DDX27: variants seen among roughly 807,000 people sequenced by gnomAD.
The protein encoded by DDX27 is DEAD-box helicase 27.
A neutral mutation model predicts 99.3 loss-of-function variants in DDX27; 42 were observed. The observed-to-expected ratio is 0.42, with a 90% CI of 0.33 to 0.55. The LOEUF is 0.55. Among genes scored for constraint, DDX27 ranks in the 20% least tolerant of loss-of-function variants. The probability of loss-of-function intolerance (pLI) is 0.07; values close to 1 mark genes in which losing one functional copy is unlikely to be tolerated. For synonymous variants in DDX27, 329 were observed against 353.8 expected (o/e 0.93, Z 0.79); for missense variants, 798 against 976.8 (o/e 0.82, Z 2.44).
At chr20:49,229,368 T>C (rs1326034962) in intron 8 of DDX27, among the ~76,000 whole-genome samples, 2 of 152,162 alleles carry the variant, frequency 1.3e-5, no homozygotes, top group Non-Finnish European at 1.5e-5. Context: ...TGGGATTTGA[T>C]TGAGACTTAA....
At chr20:49,242,040 T>TGGCCTGGTG (rs765717730) in intron 17 of DDX27, 43 bp from the exon 18 acceptor site, 266 of 1,613,636 alleles carry the variant, frequency 1.6e-4, no homozygotes, top group Non-Finnish European at 2.2e-4. Context: ...TGGGTCAGAG[T>TGGCCTGGTG]GGCCTGGTGT....
At chr20:49,224,790 A>T (rs1979816899) in intron 4 of DDX27, 155 bp from the exon 5 acceptor site, 1 of 745,558 alleles carries the variant, frequency 1.3e-6, no homozygotes, top group African/African-American at 1.8e-5. Context: ...TTACTTCACC[A>T]TGCTGCCACA....
chr20:49,222,360 A>G (rs2146705079), intron 2 of DDX27, among the ~76,000 whole-genome samples: 1 of 151,694 alleles, frequency 6.6e-6, no homozygotes. Context: ...CCCAGGCCGG[A>G]GTGCAATGGT....
chr20:49,227,901 C>T (rs141721362), intron 7 of DDX27, among the ~76,000 whole-genome samples: 2,288 of 145,410 alleles, frequency 0.016, 57 homozygotes, highest in South Asian at 0.071. Context: ...AGTGCAGTGG[C>T]GCAATCTTGG....
chr20:49,234,033 A>G (rs1227278615), intron 11 of DDX27: 2 of 285,542 alleles, frequency 7.0e-6, no homozygotes, highest in African/African-American at 2.1e-5. Flanking sequence ...CCCTGCTTCC[A>G]CTCGGCCTTT....
chr20:49,229,665 T>C (rs1433470776), intron 8 of DDX27, among the ~76,000 whole-genome samples: 1 of 151,338 alleles, frequency 6.6e-6, no homozygotes, highest in African/African-American at 2.4e-5. Context: ...TTTTTTTTTT[T>C]TGAGAGGAAG....
At position 49,236,668 on chromosome 20, in the gene DDX27, C is replaced by T. The variant is rs116206697; in HGVS notation, c.1687+158C>T. Reference sequence around the variant, plus strand: ...TGACCATGTGCAGGTTTCACCTCACCTCTCTGAGCTTGCCTCCTGTGTGTA... The same window carrying T: ...TGACCATGTGCAGGTTTCACCTCACTTCTCTGAGCTTGCCTCCTGTGTGTA... On this transcript the variant is annotated intron_variant, in intron 14 of 20. Transcript: ENST00000618172. This position sits in a 1 kb window ranked among gnomAD's most constrained non-coding sequence, Gnocchi z 4.1. Among the ~76,000 whole-genome samples, 1,240 of 152,186 alleles carry T rather than the reference C, an allele frequency of 8.1e-3. 17 individuals carry two copies. The highest frequency in any genetic ancestry group is 0.028 in the African/African-American group (1,163 of 41,522).
chr20:49,224,976 G>C lies in DDX27; in HGVS notation c.498G>C (p.Lys166Asn), dbSNP rs1316940677. The C allele has an allele frequency of 1.2e-6, 2 of 1,614,196 alleles. No homozygotes were observed. Among genetic ancestry groups the C allele is most frequent in the Non-Finnish European group, 1.7e-6 (2 of 1,180,038 alleles). Residue 166 changes from lysine to asparagine, a missense_variant, in exon 5 of 21, where the codon AAG becomes AAC. Lys to Asn is a moderately conservative substitution (Grantham distance 94, BLOSUM62 0). Around this residue, in one of 2 missense-constraint regions of DDX27, gnomAD observed 245 missense variants for 248.8 expected, o/e 0.98. Coordinates refer to ENST00000618172, the MANE Select transcript of DDX27 (RefSeq NM_017895.8). ...DTLKVKDRKK[K>N]KKKGQEAGGF... ...TCAAAGTAAAGGATCGGAAGAAGAAGAAGAAGAAAGGACAGGTGAGCTTGG... is the reference window on the plus strand; with the variant it reads ...TCAAAGTAAAGGATCGGAAGAAGAACAAGAAGAAAGGACAGGTGAGCTTGG...
At chr20:49,231,243 T>G (rs1249879477) in intron 9 of DDX27, 1 of 152,306 alleles carries the variant, frequency 6.6e-6, no homozygotes, top group Non-Finnish European at 1.5e-5. Flanking sequence ...CAAGTCCCCC[T>G]CTCTCCCTAG....
At position 49,223,468 on chromosome 20, in the gene DDX27, C is replaced by G. The variant is rs762214254; in HGVS notation, c.466+35C>G. 1.2e-5 allele frequency: 19 copies of G among 1,575,262 alleles called. 1 individual carries two copies. In the South Asian group the frequency reaches 2.2e-4, roughly 19 times the overall value. The stretch of plus-strand genomic sequence containing the variant: ...ACGGCGGAGGTGTCAGTAATGGGGA[C>G]AGGAGATCAGAAGGCATCCTCCTTT... On this transcript the variant is annotated intron_variant, in intron 4 of 20. Transcript: ENST00000618172.
chr20:49,242,933 G>A (rs551601866), intron 19 of DDX27, among the ~76,000 whole-genome samples: 21 of 152,146 alleles, frequency 1.4e-4, no homozygotes, highest in Non-Finnish European at 2.4e-4. Context: ...TGTTTGCCAG[G>A]ATGGTCTCGA....
At position 49,225,146 on chromosome 20, in the gene DDX27, T is replaced by C. The variant is rs374353822; in HGVS notation, c.547T>C (p.Tyr183His). The C allele has an allele frequency of 1.1e-5, 18 of 1,614,140 alleles. No homozygotes were observed. The Admixed American group carries it at 2.8e-4, about 25-fold the overall frequency. ...AGGFFEDASQ[Y>H]DENLSFQDMN... ...AGGATTTTTTGAAGATGCATCTCAG[T>C]ACGATGAAAACCTCTCGTTCCAGGA... Residue 183 changes from tyrosine (Y) to histidine (H), a missense_variant, in exon 6 of 21, where the codon TAC becomes CAC. Physicochemically the swap from Tyr to His is moderately conservative, Grantham distance 83. Transcript: ENST00000618172.
intron 2 of DDX27, 24 bp downstream of exon 2, chr20:49,221,622 C>T: frequency 6.4e-7 from 1 of 1,561,348 alleles, no homozygotes. Flanking sequence ...TGATGGACAG[C>T]TCCAGACTTT....
chr20:49,242,336 T>A, intron 18 of DDX27, 130 bp downstream of exon 18: 1 of 1,422,270 alleles, frequency 7.0e-7, no homozygotes. Flanking sequence ...TGTACCAATG[T>A]GTACAGCTAT....
chr20:49,243,840 G>C lies in DDX27; in HGVS notation c.*6G>C. ...GATACAAGAGGAGGAAGTAGCTGTC[G>C]TGGCCTGAAGAAATTCATGGGGGCA... On this transcript the variant is annotated 3_prime_UTR_variant, in exon 21 of 21. Transcript: ENST00000618172. 1 of 1,614,032 alleles carries C rather than the reference G, an allele frequency of 6.2e-7. No homozygotes were observed. Among genetic ancestry groups the C allele is most frequent in the Non-Finnish European group, 8.5e-7 (1 of 1,180,002 alleles).
chr20:49,223,583 T>C, intron 4 of DDX27, 150 bp downstream of exon 4: 2 of 706,808 alleles, frequency 2.8e-6, no homozygotes, highest in South Asian at 5.7e-5. Context: ...TTTTTTTTTT[T>C]TTTTTAAGAG....
chr20:49,237,059 C>G (rs1027231342), intron 14 of DDX27, among the ~76,000 whole-genome samples: 1 of 152,098 alleles, frequency 6.6e-6, no homozygotes, highest in Non-Finnish European at 1.5e-5. Flanking sequence ...TTAGCCTGAG[C>G]ATGGTAGCTC....
At chr20:49,224,614 C>T (rs1600964500) in intron 4 of DDX27, among the ~76,000 whole-genome samples, 5 of 152,126 alleles carry the variant, frequency 3.3e-5, no homozygotes, top group Admixed American at 6.6e-5. Context: ...CCACCTGCCT[C>T]GGCCTCCTAA....
Position 49,236,184 on chromosome 20 carries a change from G to C in DDX27, c.1462G>C (p.Ala488Pro), listed in dbSNP as rs1358231063. ...GGATGAACAGATTGACATCCTCGTG[G>C]CCACTGATGTGGCAGCCCGTGGACT... ...FKDEQIDILV[A>P]TDVAARGLDI... Residue 488 changes from alanine (A) to proline (P), a missense_variant, in exon 13 of 21, where the codon GCC (alanine) becomes CCC (proline). Physicochemically the swap from Ala to Pro is conservative, Grantham distance 27 (BLOSUM62 -1). This residue lies in a region of DDX27 where 553 missense variants were observed against 727.9 expected (regional missense o/e 0.76). Transcript: ENST00000618172. The surrounding 1 kb of genome is among the most constrained non-coding windows in gnomAD (Gnocchi z 4.1). The C allele has an allele frequency of 6.2e-7, 1 of 1,612,598 alleles. No homozygotes were observed. The highest frequency in any genetic ancestry group is 8.5e-7 in the Non-Finnish European group (1 of 1,179,312).
Sources: allele counts gnomAD v4.1 joint callset (sites outside exome capture counted in the v4.1 genomes callset), GRCh38; gene constraint gnomAD v4.1.1; regional missense constraint gnomAD v4.1.1; non-coding constraint Gnocchi (gnomAD v3.1); transcripts MANE v1.5; gene names NCBI Gene and HGNC (gene_info 2026-07-23, HGNC 2026-07-21).